The following ADGRL2 variants were observed in gnomAD, a reference collection of about 807,000 sequenced individuals.
The protein encoded by ADGRL2 is adhesion G protein-coupled receptor L2, also known as calcium-independent alpha-latrotoxin receptor 2.
In ADGRL2, 44 loss-of-function variants were observed where a neutral mutation model predicts 157.4. That is an observed-to-expected ratio of 0.28 (90% CI 0.22 to 0.36). The LOEUF is 0.36. Among genes scored for constraint, ADGRL2 ranks in the 10% least tolerant of loss-of-function variants. The pLI, the probability that ADGRL2 is intolerant of heterozygous loss-of-function variation, is 1.00. For synonymous variants in ADGRL2, 585 were observed against 624.7 expected (o/e 0.94, Z 0.95); for missense variants, 1,510 against 1,768.9 (o/e 0.85, Z 2.63).
intron 4 of ADGRL2, among the ~76,000 whole-genome samples, chr1:81,939,045 C>T (rs1460866794): frequency 6.6e-6 from 1 of 151,506 alleles, no homozygotes; most frequent in East Asian, 1.9e-4. Context: ...TGGCTTTATA[C>T]CAATTTCTAT....
At chr1:81,476,639 T>C (rs1349405840) in intron 2 of ADGRL2, among the ~76,000 whole-genome samples, 8 of 152,194 alleles carry the variant, frequency 5.3e-5, no homozygotes, top group African/African-American at 2.4e-5. Flanking sequence ...ATGGATTCCA[T>C]AGAAATCTCG....
intron 12 of ADGRL2, 81 bp downstream of exon 12, chr1:81,966,264 T>A: frequency 1.3e-6 from 2 of 1,575,548 alleles, no homozygotes; most frequent in African/African-American, 2.7e-5. Flanking sequence ...TTTGAGTCCT[T>A]ATATAACAAA....
chr1:81,714,673 C>G (rs1028332418), intron 1 of ADGRL2, among the ~76,000 whole-genome samples: 2 of 152,110 alleles, frequency 1.3e-5, no homozygotes, highest in Non-Finnish European at 2.9e-5. Flanking sequence ...GTGGTACTTA[C>G]TATGTGCTGA....
chr1:81,891,119 T>C (rs1293681413), intron 2 of ADGRL2, among the ~76,000 whole-genome samples: 1 of 151,926 alleles, frequency 6.6e-6, no homozygotes, highest in East Asian at 1.9e-4. Flanking sequence ...TTTAGTCTTT[T>C]ACATACTTTT....
intron 2 of ADGRL2, among the ~76,000 whole-genome samples, chr1:81,550,683 C>G (rs2080124580): frequency 6.6e-6 from 1 of 152,120 alleles, no homozygotes; most frequent in Non-Finnish European, 1.5e-5. Flanking sequence ...ATATGCCATG[C>G]TGTTCGAGAT....
At chr1:81,351,262 T>G (rs1463940948) in intron 1 of ADGRL2, among the ~76,000 whole-genome samples, 3 of 151,992 alleles carry the variant, frequency 2.0e-5, no homozygotes, top group Admixed American at 6.6e-5. Context: ...CTCTCTTTTT[T>G]GTTTCACTGA....
chr1:81,945,061 G>A (rs913791993), intron 6 of ADGRL2, among the ~76,000 whole-genome samples: 5 of 151,928 alleles, frequency 3.3e-5, no homozygotes, highest in East Asian at 1.9e-4. Flanking sequence ...GCTTATAGTT[G>A]TAGCAGTAAT....
rs149407118 is a variant in ADGRL2 at position 81,736,935 on chromosome 1, C to T, written c.-142-24876C>T. Among the ~76,000 whole-genome samples, 1,438 of 152,180 alleles carry T rather than the reference C, an allele frequency of 9.4e-3. 26 individuals carry two copies. Among genetic ancestry groups the T allele is most frequent in the African/African-American group, 0.033 (1,368 of 41,538 alleles). On this transcript the variant is annotated intron_variant, in intron 1 of 20. Coordinates refer to the ADGRL2 transcript ENST00000359929. Reference sequence around the variant, plus strand: ...CTGCAACCTCTGTCTCCCGGGTTCACGCCATTCTCCTGCCACAGCCTCTGG... The same window carrying T: ...CTGCAACCTCTGTCTCCCGGGTTCATGCCATTCTCCTGCCACAGCCTCTGG...
At chr1:81,770,612 TAC>T (rs1292370270) in intron 2 of ADGRL2, among the ~76,000 whole-genome samples, 3 of 152,110 alleles carry the variant, frequency 2.0e-5, no homozygotes, top group Non-Finnish European at 4.4e-5. Flanking sequence ...TAGCTGGGAT[TAC>T]AGGCATGCAC....
chr1:81,992,298 G>T lies in ADGRL2; in HGVS notation c.*1153G>T, dbSNP rs1044507780. ...ATAAAGTTCTAATGAAATGTAAATT[G>T]TTTCAGCAAAATTCTGCTTTTTTTT... On this transcript the variant is annotated 3_prime_UTR_variant, in exon 24 of 24. Coordinates refer to ENST00000686636, the MANE Select transcript of ADGRL2 (RefSeq NM_001366006.2). 3 of 152,436 alleles carry T rather than the reference G, an allele frequency of 2.0e-5. No homozygotes were observed. Among genetic ancestry groups the T allele is most frequent in the Non-Finnish European group, 4.4e-5 (3 of 68,000 alleles). The allele number at this position is 152,436 out of a possible 1,614,324, so 9.4% of individuals were successfully genotyped here. A position where few individuals can be genotyped will look rare whatever the true frequency, so the allele number is the denominator to read the frequency against.
chr1:81,979,776 C>T, intron 17 of ADGRL2, 93 bp from the exon 18 acceptor site: 3 of 718,620 alleles, frequency 4.2e-6, no homozygotes, highest in South Asian at 3.4e-5. Context: ...ATATCAGTAT[C>T]TTCCATATAA....
intron 16 of ADGRL2, among the ~76,000 whole-genome samples, chr1:81,971,437 G>T (rs1359572119): frequency 6.6e-6 from 1 of 152,090 alleles, no homozygotes; most frequent in Non-Finnish European, 1.5e-5. Flanking sequence ...GTTCTGTTAG[G>T]TTCCATAGGG....
intron 1 of ADGRL2, among the ~76,000 whole-genome samples, chr1:81,419,431 C>T (rs1347992043): frequency 6.6e-6 from 1 of 152,184 alleles, no homozygotes; most frequent in East Asian, 1.9e-4. Flanking sequence ...TGGTCTCGAA[C>T]TCCTGACCTC....
intron 2 of ADGRL2, among the ~76,000 whole-genome samples, chr1:81,561,800 G>A (rs1475247917): frequency 6.6e-6 from 1 of 151,978 alleles, no homozygotes; most frequent in Non-Finnish European, 1.5e-5. Context: ...ATATCACTTT[G>A]ATTATAGGAT....
intron 2 of ADGRL2, among the ~76,000 whole-genome samples, chr1:81,551,081 G>T (rs1486872983): frequency 6.6e-6 from 1 of 152,152 alleles, no homozygotes; most frequent in African/African-American, 2.4e-5. Flanking sequence ...ATGCAATGAG[G>T]ATGAAATTCT....
At chr1:81,822,012 T>C (rs553988915) in intron 1 of ADGRL2, among the ~76,000 whole-genome samples, 5 of 140,706 alleles carry the variant, frequency 3.6e-5, no homozygotes, top group African/African-American at 1.3e-4. Flanking sequence ...GTGTGCATTA[T>C]AGGTAATATC....
intron 1 of ADGRL2, among the ~76,000 whole-genome samples, chr1:81,736,222 A>G (rs769803745): frequency 4.0e-5 from 6 of 151,756 alleles, no homozygotes; most frequent in Non-Finnish European, 7.4e-5. Context: ...GCTGTACTGA[A>G]CTGGCAGACA....
At chr1:81,340,280 T>G (rs577770384) in intron 1 of ADGRL2, among the ~76,000 whole-genome samples, 1 of 152,352 alleles carries the variant, frequency 6.6e-6, no homozygotes, top group South Asian at 2.1e-4. Context: ...ATTCTGTCTT[T>G]GTATGCCTTT....
intron 3 of ADGRL2, among the ~76,000 whole-genome samples, chr1:81,634,238 C>T (rs1161064371): frequency 2.6e-5 from 4 of 152,084 alleles, no homozygotes; most frequent in Non-Finnish European, 5.9e-5. Context: ...AATCTCTTGC[C>T]CAGACTACTA....
Sources: gnomAD v4.1 joint callset for allele counts (sites outside exome capture counted in the v4.1 genomes callset) on GRCh38, gnomAD v4.1.1 for gene constraint, MANE v1.5 for transcripts, NCBI Gene and HGNC (gene_info 2026-07-23, HGNC 2026-07-21) for gene names.